Variants in TMEM45A observed in about 807,000 individuals in gnomAD.
The protein encoded by TMEM45A is transmembrane protein 45A.
Under a neutral mutation model 32.0 loss-of-function variants are expected in TMEM45A, and 25 were observed. That is an observed-to-expected ratio of 0.78 (90% CI 0.57 to 1.09). The LOEUF (loss-of-function observed/expected upper bound fraction) is 1.09. Ranked by LOEUF, TMEM45A falls within the 50% of genes least tolerant of loss-of-function variation. TMEM45A has a pLI of 0.00. For synonymous variants in TMEM45A, 122 were observed against 114.8 expected, an observed-to-expected ratio of 1.06 and a Z score of -0.40; for missense variants, 302 against 325.0, an observed-to-expected ratio of 0.93 and a Z score of 0.54.
At chr3:100,525,042 G>A (rs1705513809) in intron 1 of TMEM45A, among the ~76,000 whole-genome samples, 1 of 152,028 alleles carries the variant, frequency 6.6e-6, no homozygotes, top group Non-Finnish European at 1.5e-5. Flanking sequence ...AAAAAAATTA[G>A]CCGGGTGTGG....
intron 1 of TMEM45A, among the ~76,000 whole-genome samples, chr3:100,538,703 A>G (rs955194522): frequency 4.6e-5 from 7 of 152,220 alleles, no homozygotes; most frequent in South Asian, 2.1e-4. Context: ...CCTGGAACTA[A>G]GTGATTTTTA....
intron 1 of TMEM45A, among the ~76,000 whole-genome samples, chr3:100,512,859 A>C (rs1183546581): frequency 2.0e-5 from 3 of 152,146 alleles, no homozygotes; most frequent in Non-Finnish European, 4.4e-5. Flanking sequence ...CTACACAAAT[A>C]AACTAGAAAA....
chr3:100,496,758 C>G (rs1480056815), intron 1 of TMEM45A, among the ~76,000 whole-genome samples: 2 of 152,174 alleles, frequency 1.3e-5, no homozygotes, highest in East Asian at 1.9e-4. Context: ...ACCTGGTTGT[C>G]TAGCAGACAC....
chr3:100,504,016 A>G (rs1051792853), intron 1 of TMEM45A, among the ~76,000 whole-genome samples: 5 of 152,214 alleles, frequency 3.3e-5, no homozygotes, highest in African/African-American at 1.2e-4. Context: ...AGGTGGGCAG[A>G]GGCAGAGGTG....
chr3:100,569,846 A>G (rs1316303205), intron 5 of TMEM45A, among the ~76,000 whole-genome samples: 1 of 152,230 alleles, frequency 6.6e-6, no homozygotes, highest in Admixed American at 6.5e-5. Context: ...ATACAGTGCA[A>G]TATACAGAAA....
intron 1 of TMEM45A, among the ~76,000 whole-genome samples, chr3:100,506,411 C>A (rs1708081472): frequency 6.6e-6 from 1 of 152,132 alleles, no homozygotes; most frequent in Admixed American, 6.5e-5. Flanking sequence ...TCTGACACCC[C>A]AAAATAGTAA....
At chr3:100,559,519 C>T (rs536714786) in intron 4 of TMEM45A, among the ~76,000 whole-genome samples, 5 of 152,116 alleles carry the variant, frequency 3.3e-5, no homozygotes, top group African/African-American at 1.2e-4. Context: ...GGGCTAGATC[C>T]AAGGGTTATT....
chr3:100,497,727 T>G (rs1419540558), intron 1 of TMEM45A, among the ~76,000 whole-genome samples: 2 of 152,226 alleles, frequency 1.3e-5, no homozygotes, highest in Non-Finnish European at 2.9e-5. Flanking sequence ...TTGTGGTATG[T>G]GCCAGAATAT....
chr3:100,511,724 A>C (rs1262186020), intron 1 of TMEM45A, among the ~76,000 whole-genome samples: 1 of 151,570 alleles, frequency 6.6e-6, no homozygotes, highest in Non-Finnish European at 1.5e-5. Context: ...GTATTCAGGA[A>C]ACCCATCTCA....
chr3:100,514,556 A>C (rs1305296903), intron 1 of TMEM45A, among the ~76,000 whole-genome samples: 4 of 151,982 alleles, frequency 2.6e-5, no homozygotes, highest in Non-Finnish European at 5.9e-5. Flanking sequence ...CATTCAGGAC[A>C]TAGGCATGGG....
chr3:100,556,141 C>T (rs982208569), intron 2 of TMEM45A, among the ~76,000 whole-genome samples: 4 of 152,106 alleles, frequency 2.6e-5, no homozygotes, highest in Admixed American at 6.5e-5. Flanking sequence ...CCACCACACC[C>T]GGCTAATTTT....
intron 1 of TMEM45A, among the ~76,000 whole-genome samples, chr3:100,539,484 T>TATACGTATAC (rs1559644578): frequency 1.8e-4 from 20 of 112,006 alleles, no homozygotes; most frequent in Non-Finnish European, 3.9e-4. Context: ...TATATGTATA[T>TATACGTATAC]GTATATGTAT....
chr3:100,504,246 T>TTA (rs1490367274), intron 1 of TMEM45A, among the ~76,000 whole-genome samples: 3 of 143,298 alleles, frequency 2.1e-5, no homozygotes, highest in African/African-American at 7.7e-5. Flanking sequence ...CCTTATATTT[T>TTA]TATAAAAAAA....
intron 1 of TMEM45A, among the ~76,000 whole-genome samples, chr3:100,543,040 A>G (rs1296568548): frequency 6.6e-6 from 1 of 152,190 alleles, no homozygotes; most frequent in African/African-American, 2.4e-5. Flanking sequence ...TCATATATCC[A>G]CTAAAATAAA....
At chr3:100,500,608 G>C (rs1707996931) in intron 1 of TMEM45A, among the ~76,000 whole-genome samples, 1 of 152,170 alleles carries the variant, frequency 6.6e-6, no homozygotes, top group Non-Finnish European at 1.5e-5. Context: ...CTCAGAGAAA[G>C]CTCGGAAGAC....
At position 100,531,719 on chromosome 3, in the gene TMEM45A, A is replaced by T. The variant is rs1254398143; in HGVS notation, c.-3-23490A>T. Among the ~76,000 whole-genome samples the T allele has an allele frequency of 3.9e-5, 6 of 152,338 alleles. No individual in the cohort carries two copies. In the East Asian group the frequency reaches 1.2e-3, roughly 29 times the overall value. On this transcript the variant is annotated intron_variant, in intron 1 of 5. Coordinates refer to ENST00000323523, the MANE Select transcript of TMEM45A (RefSeq NM_018004.3). ...GTTATTGGCTTGAATAGAGAATTGA[A>T]TAGAGATTTATGCCCCAATTTGGGG... is the stretch of plus-strand genomic sequence containing the variant.
intron 1 of TMEM45A, among the ~76,000 whole-genome samples, chr3:100,547,867 C>T (rs4928063): frequency 0.42 from 63,718 of 151,912 alleles, 13,535 homozygotes; most frequent in Middle Eastern, 0.48. Context: ...GCAGGTGATG[C>T]CATATGACAT....
At chr3:100,505,966 AG>A (rs1708074096) in intron 1 of TMEM45A, among the ~76,000 whole-genome samples, 1 of 152,206 alleles carries the variant, frequency 6.6e-6, no homozygotes, top group Non-Finnish European at 1.5e-5. Flanking sequence ...ACAGAGTACC[AG>A]GAATGAGAGA....
intron 1 of TMEM45A, among the ~76,000 whole-genome samples, chr3:100,510,334 G>C (rs1018004584): frequency 1.3e-5 from 2 of 151,860 alleles, no homozygotes; most frequent in African/African-American, 4.8e-5. Context: ...CAGCCTAACT[G>C]GGAGGCACCC....
Sources: gnomAD v4.1 joint callset for allele counts (sites outside exome capture counted in the v4.1 genomes callset) on GRCh38, gnomAD v4.1.1 for gene constraint, MANE v1.5 for transcripts, NCBI Gene and HGNC (gene_info 2026-07-23, HGNC 2026-07-21) for gene names.